CRAMP1: variants seen among roughly 807,000 people sequenced by gnomAD.
CRAMP1 encodes the protein cramped chromatin regulator 1.
In CRAMP1, 50 loss-of-function variants were observed where a neutral mutation model predicts 115.4. That is an observed-to-expected ratio of 0.43 (90% CI 0.35 to 0.55). The LOEUF is 0.55. CRAMP1 is among the 20% of genes least tolerant of loss of function. The probability of loss-of-function intolerance (pLI) is 0.01; values close to 1 mark genes in which losing one functional copy is unlikely to be tolerated. For synonymous variants in CRAMP1, 866 were observed against 745.4 expected, an observed-to-expected ratio of 1.16 and a Z score of -2.64; for missense variants, 1,679 against 1,721.7, an observed-to-expected ratio of 0.98 and a Z score of 0.44.
At chr16:1,662,927 A>C (rs1396910394) in intron 13 of CRAMP1, 92 bp downstream of exon 13, 3 of 988,300 alleles carry the variant, frequency 3.0e-6, no homozygotes, top group African/African-American at 1.6e-5. Flanking sequence ...TCATGGTGTA[A>C]AATGTGGGAA....
At chr16:1,648,932 G>C (rs542073646) in intron 6 of CRAMP1, among the ~76,000 whole-genome samples, 29 of 152,152 alleles carry the variant, frequency 1.9e-4, no homozygotes, top group Admixed American at 1.4e-3. Flanking sequence ...GGTGGCAGGC[G>C]CCTGTAGTCC....
chr16:1,637,900 T>A lies in CRAMP1; in HGVS notation c.771T>A (p.Ile257=). ...LICYGELRKK[I]GGCMDDKNAT... ...GCTATGGCGAGCTGCGCAAGAAGATTGGGGGCTGTGAGTACGCTGACTGTG... is the reference window on the plus strand; with the variant it reads ...GCTATGGCGAGCTGCGCAAGAAGATAGGGGGCTGTGAGTACGCTGACTGTG... The change falls in exon 5 of 21, where the codon ATT becomes ATA. Residue 257 remains isoleucine, a synonymous_variant. Coordinates refer to ENST00000397412, the MANE Select transcript of CRAMP1 (RefSeq NM_020825.4). 6.5e-7 allele frequency: 1 copy of A among 1,539,368 alleles called. No individual in the cohort carries two copies. The highest frequency in any genetic ancestry group is 8.8e-7 in the Non-Finnish European group (1 of 1,142,224).
At chr16:1,644,149 C>A (rs530520114) in intron 6 of CRAMP1, among the ~76,000 whole-genome samples, 8 of 152,152 alleles carry the variant, frequency 5.3e-5, no homozygotes, top group Non-Finnish European at 1.2e-4. Context: ...TGGGTGAGGC[C>A]GCAGCGAGAG....
chr16:1,635,794 C>T (rs1005043085), intron 4 of CRAMP1, among the ~76,000 whole-genome samples: 1 of 152,206 alleles, frequency 6.6e-6, no homozygotes, highest in African/African-American at 2.4e-5. Context: ...GTCCATTGCC[C>T]AGGAGGAAAC....
intron 4 of CRAMP1, among the ~76,000 whole-genome samples, chr16:1,632,789 C>T (rs1334186669): frequency 2.6e-5 from 4 of 152,148 alleles, no homozygotes; most frequent in Non-Finnish European, 5.9e-5. Flanking sequence ...GCCTCTCGCC[C>T]TCTACACTGG....
chr16:1,635,591 T>C (rs149099134), intron 4 of CRAMP1, among the ~76,000 whole-genome samples: 2 of 152,352 alleles, frequency 1.3e-5, no homozygotes, highest in African/African-American at 2.4e-5. Flanking sequence ...TTGTCTGCAG[T>C]GTCTTGCTCT....
rs2036971425 is a variant in CRAMP1 at position 1,676,709 on chromosome 16, G to A, written c.*2664G>A. On this transcript the variant is annotated 3_prime_UTR_variant, in exon 21 of 21. Coordinates refer to ENST00000397412, the MANE Select transcript of CRAMP1 (RefSeq NM_020825.4). ...TTCGTCTTTTCTGGAGATTGGGACA[G>A]AGCATCTGTGGTCCAGGGAAGTTAG... 6.6e-6 allele frequency: 1 copy of A among 152,282 alleles called. No homozygotes were observed. The highest frequency in any genetic ancestry group is 6.5e-5 in the Admixed American group (1 of 15,294). 9.4% of individuals were successfully genotyped at this position (152,282 alleles called of 1,614,324 possible). A position where few individuals can be genotyped will look rare whatever the true frequency, so the allele number is the denominator to read the frequency against.
chr16:1,639,293 C>T (rs1392946539), intron 5 of CRAMP1, among the ~76,000 whole-genome samples: 2 of 151,946 alleles, frequency 1.3e-5, no homozygotes, highest in Non-Finnish European at 2.9e-5. Flanking sequence ...AATGAAGCAA[C>T]AAAAGCAGAG....
At position 1,669,706 on chromosome 16, in the gene CRAMP1, T is replaced by C. The variant is rs540998321; in HGVS notation, c.3499+541T>C. Among the ~76,000 whole-genome samples, 62 of 151,908 alleles carry C rather than the reference T, an allele frequency of 4.1e-4. No homozygotes were observed. Among genetic ancestry groups the C allele is most frequent in the Non-Finnish European group, 6.5e-4 (44 of 67,914 alleles). ...GGTAGCAAGTGTGGCAGGAAGGGGG[T>C]GTATCAGGGAAAGGCACACCCTGCT... On this transcript the variant is annotated intron_variant, in intron 19 of 20. Transcript: ENST00000397412. This position sits in a 1 kb window ranked among gnomAD's most constrained non-coding sequence, Gnocchi z 4.6.
intron 9 of CRAMP1, among the ~76,000 whole-genome samples, chr16:1,655,674 G>A (rs946182393): frequency 7.2e-5 from 11 of 152,208 alleles, no homozygotes; most frequent in African/African-American, 9.6e-5. Flanking sequence ...GGCGTGGTGC[G>A]TGTCAGGTGT....
At chr16:1,649,785 ATTT>A (rs35942594) in intron 6 of CRAMP1, among the ~76,000 whole-genome samples, 42 of 65,756 alleles carry the variant, frequency 6.4e-4, no homozygotes, top group African/African-American at 2.7e-3. Context: ...ATGAGCCACT[ATTT>A]TTTTTTTTTT....
intron 2 of CRAMP1, among the ~76,000 whole-genome samples, chr16:1,617,988 A>G (rs2036434733): frequency 6.6e-6 from 1 of 152,224 alleles, no homozygotes; most frequent in African/African-American, 2.4e-5. Flanking sequence ...CAGAAATCCC[A>G]AAACAGACAT....
intron 6 of CRAMP1, among the ~76,000 whole-genome samples, chr16:1,643,650 C>G (rs2036651144): frequency 6.6e-6 from 1 of 152,212 alleles, no homozygotes; most frequent in Non-Finnish European, 1.5e-5. Context: ...GCTAGCGCCC[C>G]TCCAGCCTCA....
At chr16:1,623,587 G>A (rs1214159496) in intron 2 of CRAMP1, among the ~76,000 whole-genome samples, 2 of 152,242 alleles carry the variant, frequency 1.3e-5, no homozygotes, top group African/African-American at 4.8e-5. Context: ...GCAAGTTGTG[G>A]TCTTGGAAGA....
chr16:1,662,632 A>G lies in CRAMP1; in HGVS notation c.2556A>G (p.Glu852=). The G allele has an allele frequency of 6.2e-7, 1 of 1,614,054 alleles. No individual in the cohort carries two copies. Among genetic ancestry groups the G allele is most frequent in the South Asian group, 1.1e-5 (1 of 91,092 alleles). The part of the protein sequence containing the change: ...RHGKLFSPSK[E]AELTFRQHLN... Reference sequence around the variant, plus strand: ...GGAAGCTCTTCTCTCCCAGTAAAGAAGCAGAGCTGACTTTCCGCCAGCATC... The same window carrying G: ...GGAAGCTCTTCTCTCCCAGTAAAGAGGCAGAGCTGACTTTCCGCCAGCATC... Residue 852 remains glutamate, a synonymous_variant, in exon 12 of 21, where the codon GAA becomes GAG. Transcript: ENST00000397412.
chr16:1,637,307 A>G (rs904996874), intron 4 of CRAMP1, among the ~76,000 whole-genome samples: 2 of 151,948 alleles, frequency 1.3e-5, no homozygotes, highest in African/African-American at 4.8e-5. Flanking sequence ...GAAAAGAAAA[A>G]AAAAAAAAAC....
rs201280516 is a variant in CRAMP1, at chr16:1,655,999, C to T, written c.1242C>T (p.Arg414=). ...CTLTPLPGVA[R]VVHSKAFCTV... ...TGACACCGCTGCCGGGCGTGGCTCGCGTGGTGCACTCCAAGGCCTTCTGCA... is the reference window on the plus strand; with the variant it reads ...TGACACCGCTGCCGGGCGTGGCTCGTGTGGTGCACTCCAAGGCCTTCTGCA... Residue 414 remains arginine (R), a synonymous_variant, in exon 10 of 21, where the codon CGC becomes CGT. Coordinates refer to ENST00000397412, the MANE Select transcript of CRAMP1 (RefSeq NM_020825.4). 1.9e-5 allele frequency: 31 copies of T among 1,612,890 alleles called. No homozygotes were observed. Among genetic ancestry groups the T allele is most frequent in the South Asian group, 1.9e-4 (17 of 91,086 alleles).
chr16:1,673,962 C>T lies in CRAMP1; in HGVS notation c.3727C>T (p.Leu1243=), dbSNP rs1450868474. ...ISRFNDLAQE[L]SIAEPGRREA... ...TCGGTTCAATGACCTGGCCCAAGAG[C>T]TGTCCATCGCTGAGCCTGGCCGCCG... The change falls in exon 21 of 21, where the codon CTG becomes TTG. Residue 1243 remains leucine, a synonymous_variant. Transcript: ENST00000397412. The T allele has an allele frequency of 6.2e-7, 1 of 1,613,424 alleles. No individual in the cohort carries two copies.
At chr16:1,670,944 C>G in intron 20 of CRAMP1, 135 bp downstream of exon 20, 1 of 772,852 alleles carries the variant, frequency 1.3e-6, no homozygotes, top group Middle Eastern at 3.8e-4. Context: ...CACGTCCACA[C>G]TCAGGTCCCT....
Sources: gnomAD v4.1 joint callset for allele counts (sites outside exome capture counted in the v4.1 genomes callset) on GRCh38, gnomAD v4.1.1 for gene constraint, Gnocchi (gnomAD v3.1) non-coding constraint, MANE v1.5 for transcripts, NCBI Gene and HGNC (gene_info 2026-07-23, HGNC 2026-07-21) for gene names.